Variants in ACIN1 observed in about 807,000 individuals in gnomAD.
The protein encoded by ACIN1 is apoptotic chromatin condensation inducer in the nucleus.
ACIN1 carries 16 observed loss-of-function variants against 146.6 expected under a neutral mutation model. The ratio of observed to expected loss-of-function variants is 0.11; its 90% CI spans 0.07 to 0.17. ACIN1 has a LOEUF of 0.17. ACIN1 is among the 10% of genes least tolerant of loss of function. The pLI, the probability that ACIN1 is intolerant of heterozygous loss-of-function variation, is 1.00. For missense variants in ACIN1, 1,357 were observed against 1,609.3 expected (o/e 0.84, Z 2.68); for synonymous variants, 569 against 582.7 (o/e 0.98, Z 0.34).
chr14:23,063,154 C>A, intron 13 of ACIN1, 80 bp from the exon 14 acceptor site: 2 of 1,447,864 alleles, frequency 1.4e-6, no homozygotes, highest in Non-Finnish European at 1.9e-6. Context: ...TCTCACGGTT[C>A]CCTTTCTTTT....
chr14:23,062,305 C>A, intron 15 of ACIN1, 30 bp from the exon 16 acceptor site: 7 of 1,600,280 alleles, frequency 4.4e-6, no homozygotes, highest in South Asian at 2.2e-5. Context: ...GATGGAGGGT[C>A]ACAGTGTGTC....
rs2047353968 is a variant in ACIN1, at chr14:23,063,530, TTCC to T, written c.2640_2642del (p.Glu883del). On this transcript the variant is annotated inframe_deletion, in exon 13 of 19. Coordinates refer to ENST00000605057, the MANE Select transcript of ACIN1 (RefSeq NM_001386863.1). The stretch of plus-strand genomic sequence containing the variant: ...GTTCTGCTTCAGGTTCCTTCTCTTC[TTCC>T]TCTTCTTCCCTCTGCCCATTCTCCT... 3 of 1,614,052 alleles carry T rather than the reference TTCC, an allele frequency of 1.9e-6. No homozygotes were observed. The South Asian group carries it at 3.3e-5, about 18-fold the overall frequency.
intron 8 of ACIN1, among the ~76,000 whole-genome samples, chr14:23,070,516 A>T (rs1168067462): frequency 2.0e-5 from 3 of 151,962 alleles, no homozygotes; most frequent in Non-Finnish European, 2.9e-5. Flanking sequence ...TCCCACTCTT[A>T]ATCTCACAAG....
intron 4 of ACIN1, among the ~76,000 whole-genome samples, chr14:23,089,440 T>C (rs886808659): frequency 6.6e-6 from 1 of 152,174 alleles, no homozygotes; most frequent in Non-Finnish European, 1.5e-5. Context: ...CTCCCTACTA[T>C]AATATGCTCA....
chr14:23,072,738 C>A (rs2047695168), intron 8 of ACIN1, among the ~76,000 whole-genome samples: 1 of 152,224 alleles, frequency 6.6e-6, no homozygotes, highest in African/African-American at 2.4e-5. Flanking sequence ...TAAAATCTTA[C>A]ACTTACAATG....
rs746209898 is a variant in ACIN1 at position 23,092,541 on chromosome 14, A to AAGG, written c.204+935_204+937dup. On this transcript the variant is annotated intron_variant, in intron 2 of 18. Coordinates refer to ENST00000605057, the MANE Select transcript of ACIN1 (RefSeq NM_001386863.1). ...CTTACAGCTTAATGAGGTGATAACA[A>AAGG]AGGAGGAGGAGGGCTCTCTTGTTTT... is the stretch of plus-strand genomic sequence containing the variant. 5.3e-5 allele frequency among the ~76,000 whole-genome samples: 8 copies of AAGG among 152,310 alleles called. No homozygotes were observed. The East Asian group carries it at 1.5e-3, about 29-fold the overall frequency.
intron 18 of ACIN1, among the ~76,000 whole-genome samples, chr14:23,059,695 C>T (rs560768713): frequency 6.6e-6 from 1 of 151,478 alleles, no homozygotes; most frequent in Non-Finnish European, 1.5e-5. Flanking sequence ...CTCCGTCGCC[C>T]AGGCTGGGAG....
At chr14:23,095,318 C>CA (rs1566763789), upstream of ACIN1, 2 of 1,566,438 alleles carry the variant, frequency 1.3e-6, no homozygotes, top group African/African-American at 1.4e-5. Flanking sequence ...ATCCGCCCTG[C>CA]AGCGCCCCTT....
At position 23,067,358 on chromosome 14, in the gene ACIN1, T is replaced by C; in HGVS notation, c.2266-1350A>G. ...CAATCGCACCTCACTGTGTACTGTA[T>C]CTAGTCAACCGCCGGTCCAATCAGA... On this transcript the variant is annotated intron_variant, in intron 9 of 18. Coordinates refer to ENST00000605057, the MANE Select transcript of ACIN1 (RefSeq NM_001386863.1). The surrounding 1 kb of genome is among the most constrained non-coding windows in gnomAD (Gnocchi z 4.6). 1 of 985,808 alleles carries C rather than the reference T, an allele frequency of 1.0e-6. No individual in the cohort carries two copies. Among genetic ancestry groups the C allele is most frequent in the Non-Finnish European group, 1.2e-6 (1 of 829,946 alleles). The allele number at this position is 985,808 out of a possible 1,614,324, so 61.1% of individuals were successfully genotyped here. A position where few individuals can be genotyped will look rare whatever the true frequency, so the allele number is the denominator to read the frequency against.
In ACIN1 at chr14:23,063,436, C is replaced by A; in HGVS notation, c.2737G>T (p.Val913Leu). 1 of 1,613,790 alleles carries A rather than the reference C, an allele frequency of 6.2e-7. No individual in the cohort carries two copies. The highest frequency in any genetic ancestry group is 1.1e-5 in the South Asian group (1 of 90,992). Residue 913 changes from valine (V) to leucine (L), a missense_variant and splice_region_variant, in exon 13 of 19, where the codon GTG becomes TTG. Val to Leu is a conservative substitution (Grantham distance 32). Around this residue, in one of 4 missense-constraint regions of ACIN1, gnomAD observed 509 missense variants for 719.6 expected, o/e 0.71. Coordinates refer to ENST00000605057, the MANE Select transcript of ACIN1 (RefSeq NM_001386863.1). The stretch of plus-strand genomic sequence containing the variant: ...ATTTCTCTCACAATATGTCACTCAC[C>A]TTTCTTTACTTCATGCTCTGCAGGT... ...PPPAEHEVKK[V>L]TLGDTLTRRS...
rs2140046970 is a variant in ACIN1, at chr14:23,067,837, G to A, written c.2265+1639C>T. 1 of 985,914 alleles carries A rather than the reference G, an allele frequency of 1.0e-6. No homozygotes were observed. Among genetic ancestry groups the A allele is most frequent in the Non-Finnish European group, 1.2e-6 (1 of 829,980 alleles). The allele number at this position is 985,914 out of a possible 1,614,324, so 61.1% of individuals were successfully genotyped here. A position where few individuals can be genotyped will look rare whatever the true frequency, so the allele number is the denominator to read the frequency against. ...GGGAGGGGGTCCTCTCACCGAGTGG[G>A]ATCATGGAGCCTCTGATGAAGGTAG... On this transcript the variant is annotated intron_variant, in intron 9 of 18. Transcript: ENST00000605057. The surrounding 1 kb of genome is among the most constrained non-coding windows in gnomAD (Gnocchi z 4.6).
At position 23,071,167 on chromosome 14, in the gene ACIN1, G is replaced by C. The variant is rs1308518418; in HGVS notation, c.2124-1550C>G. On this transcript the variant is annotated intron_variant, in intron 8 of 18. Coordinates refer to ENST00000605057, the MANE Select transcript of ACIN1 (RefSeq NM_001386863.1). ...TAACATGATTTTTTTTCTCCCCCTGGAAGTGCTGTTTATCCCTTTCTGGAA... is the reference window on the plus strand; with the variant it reads ...TAACATGATTTTTTTTCTCCCCCTGCAAGTGCTGTTTATCCCTTTCTGGAA... 1.9e-6 allele frequency: 3 copies of C among 1,550,926 alleles called. No individual in the cohort carries two copies. In the African/African-American group the frequency reaches 4.1e-5, roughly 21 times the overall value.
chr14:23,092,722 G>C (rs982916865), intron 2 of ACIN1, among the ~76,000 whole-genome samples: 1 of 152,088 alleles, frequency 6.6e-6, no homozygotes, highest in African/African-American at 2.4e-5. Flanking sequence ...ATAATTTTTG[G>C]ATTTTAACTG....
intron 1 of ACIN1, 100 bp downstream of exon 1, chr14:23,094,875 G>T: frequency 2.1e-6 from 3 of 1,461,596 alleles, no homozygotes; most frequent in African/African-American, 1.4e-5. Flanking sequence ...CGGCCTGAGC[G>T]AGCTCGCGCC....
At chr14:23,069,681 A>AAGATGTT (rs1260451914) in intron 8 of ACIN1, 64 bp from the exon 9 acceptor site, 1 of 1,500,866 alleles carries the variant, frequency 6.7e-7, no homozygotes, top group African/African-American at 1.4e-5. Context: ...AAGAGAGAGC[A>AAGATGTT]AGATGTTAGT....
chr14:23,069,722 A>T, intron 8 of ACIN1, 105 bp from the exon 9 acceptor site: 9 of 1,092,590 alleles, frequency 8.2e-6, no homozygotes, highest in Non-Finnish European at 1.2e-5. Flanking sequence ...CTGCCTCATC[A>T]CTTGGGTGGG....
At position 23,087,681 on chromosome 14, in the gene ACIN1, A is replaced by G. The variant is rs192785534; in HGVS notation, c.436+2301T>C. On this transcript the variant is annotated intron_variant, in intron 4 of 18. Transcript: ENST00000605057. ...ATCATGGTCCTATTAAGAATTTTCA[A>G]TGGTTCCCCCATTACCTATAGAACT... is the stretch of plus-strand genomic sequence containing the variant. Among the ~76,000 whole-genome samples the G allele has an allele frequency of 4.0e-3, 615 of 151,896 alleles. 2 individuals are homozygous for G. The highest frequency in any genetic ancestry group is 0.016 in the South Asian group (75 of 4,812).
intron 4 of ACIN1, among the ~76,000 whole-genome samples, chr14:23,087,396 G>A (rs1326046370): frequency 1.3e-5 from 2 of 151,560 alleles, no homozygotes; most frequent in Admixed American, 6.6e-5. Flanking sequence ...ATTATGAGCA[G>A]TACTCTACAA....
At chr14:23,093,632 G>T in intron 1 of ACIN1, 88 bp from the exon 2 acceptor site, 1 of 1,094,932 alleles carries the variant, frequency 9.1e-7, no homozygotes, top group Non-Finnish European at 1.4e-6. Flanking sequence ...TAAATTAAAC[G>T]CAATGACTTA....
Sources: gnomAD v4.1 joint callset for allele counts (sites outside exome capture counted in the v4.1 genomes callset) on GRCh38, gnomAD v4.1.1 for gene constraint, gnomAD v4.1.1 regional missense constraint, Gnocchi (gnomAD v3.1) non-coding constraint, MANE v1.5 for transcripts, NCBI Gene and HGNC (gene_info 2026-07-23, HGNC 2026-07-21) for gene names.